TAFA1: variants seen among roughly 807,000 people sequenced by gnomAD.
The protein encoded by TAFA1 is TAFA chemokine like family member 1, also known as chemokine-like protein TAFA-1.
Under a neutral mutation model 18.5 loss-of-function variants are expected in TAFA1, and 4 were observed. The observed-to-expected ratio is 0.22, with a 90% CI of 0.11 to 0.49. TAFA1 has a LOEUF of 0.49. TAFA1 is among the 20% of genes least tolerant of loss of function. The probability of loss-of-function intolerance (pLI) is 0.98; values close to 1 mark genes in which losing one functional copy is unlikely to be tolerated. For missense variants in TAFA1, 147 were observed against 169.0 expected (o/e 0.87, Z 0.72); for synonymous variants, 56 against 55.2 (o/e 1.01, Z -0.06).
intron 2 of TAFA1, among the ~76,000 whole-genome samples, chr3:68,276,751 T>C (rs2107246338): frequency 6.6e-6 from 1 of 152,250 alleles, no homozygotes; most frequent in South Asian, 2.1e-4. Context: ...CAGACTAATA[T>C]CTGTCTTGAG....
chr3:68,115,973 T>C (rs2065319744), intron 2 of TAFA1, among the ~76,000 whole-genome samples: 3 of 152,154 alleles, frequency 2.0e-5, no homozygotes, highest in Non-Finnish European at 4.4e-5. Context: ...TATGTTAATC[T>C]GGGCTGGACA....
chr3:68,283,430 T>C (rs528931931), intron 2 of TAFA1, among the ~76,000 whole-genome samples: 1 of 152,354 alleles, frequency 6.6e-6, no homozygotes, highest in African/African-American at 2.4e-5. Flanking sequence ...ATTTTTAAAG[T>C]AATTTATGCA....
chr3:68,418,060 A>G (rs951060320), intron 3 of TAFA1, among the ~76,000 whole-genome samples: 1 of 152,132 alleles, frequency 6.6e-6, no homozygotes, highest in Non-Finnish European at 1.5e-5. Context: ...AGGTCAAGAA[A>G]CATGAAGGTC....
At chr3:68,070,025 C>T (rs1426346740) in intron 2 of TAFA1, among the ~76,000 whole-genome samples, 4 of 152,166 alleles carry the variant, frequency 2.6e-5, no homozygotes, top group African/African-American at 9.7e-5. Context: ...GTCAGTGGCT[C>T]TACCATTCTG....
At chr3:68,257,282 T>A (rs1380201255) in intron 2 of TAFA1, among the ~76,000 whole-genome samples, 1 of 152,088 alleles carries the variant, frequency 6.6e-6, no homozygotes, top group Non-Finnish European at 1.5e-5. Context: ...TAAATTGGCC[T>A]CTCCCCATCC....
At chr3:68,124,507 A>G (rs1259325148) in intron 2 of TAFA1, among the ~76,000 whole-genome samples, 1 of 152,198 alleles carries the variant, frequency 6.6e-6, no homozygotes, top group African/African-American at 2.4e-5. Flanking sequence ...TTCATTCTCA[A>G]ATGGAATCAT....
At chr3:68,022,844 A>T (rs1310746208) in intron 2 of TAFA1, among the ~76,000 whole-genome samples, 24 of 2,568 alleles carry the variant, frequency 9.3e-3, no homozygotes, top group Non-Finnish European at 0.039. Flanking sequence ...TATATATATT[A>T]TATATATATA....
At chr3:68,296,158 A>C (rs1403074297) in intron 2 of TAFA1, among the ~76,000 whole-genome samples, 1 of 152,330 alleles carries the variant, frequency 6.6e-6, no homozygotes, top group Admixed American at 6.5e-5. Flanking sequence ...TATGTGAGCT[A>C]CAACTTTACC....
At chr3:68,241,740 G>T (rs924528991) in intron 2 of TAFA1, among the ~76,000 whole-genome samples, 1 of 152,152 alleles carries the variant, frequency 6.6e-6, no homozygotes, top group Non-Finnish European at 1.5e-5. Context: ...GCAGAGGAAA[G>T]GATGTGTGGC....
chr3:68,172,031 A>T (rs2066060728), intron 2 of TAFA1, among the ~76,000 whole-genome samples: 1 of 152,192 alleles, frequency 6.6e-6, no homozygotes, highest in Admixed American at 6.5e-5. Flanking sequence ...AGAAAGGGGA[A>T]GAAAGAAATT....
intron 2 of TAFA1, among the ~76,000 whole-genome samples, chr3:68,264,349 C>G (rs146441236): frequency 2.1e-4 from 32 of 152,256 alleles, no homozygotes; most frequent in African/African-American, 7.2e-4. Flanking sequence ...ATTGGGCACA[C>G]AGATTATTGA....
chr3:68,316,223 G>T (rs1407441372), intron 2 of TAFA1, among the ~76,000 whole-genome samples: 2 of 152,196 alleles, frequency 1.3e-5, no homozygotes, highest in African/African-American at 2.4e-5. Flanking sequence ...TGCCTGAGTT[G>T]TGAAGTTGAC....
chr3:68,428,317 C>T (rs2071097687), intron 3 of TAFA1, among the ~76,000 whole-genome samples: 1 of 151,884 alleles, frequency 6.6e-6, no homozygotes, highest in Admixed American at 6.6e-5. Flanking sequence ...GAACACTGTA[C>T]TTGACAGCTC....
intron 2 of TAFA1, among the ~76,000 whole-genome samples, chr3:68,024,270 C>G (rs1704764201): frequency 6.6e-6 from 1 of 151,976 alleles, no homozygotes; most frequent in Non-Finnish European, 1.5e-5. Flanking sequence ...GGAAACAAAA[C>G]CTTGTAAGGG....
chr3:68,073,379 T>A (rs999870028), intron 2 of TAFA1, among the ~76,000 whole-genome samples: 2 of 152,244 alleles, frequency 1.3e-5, no homozygotes, highest in African/African-American at 4.8e-5. Context: ...TCCACAGGAC[T>A]AGAGCAATGG....
intron 3 of TAFA1, among the ~76,000 whole-genome samples, chr3:68,475,123 T>G (rs1398607887): frequency 6.6e-6 from 1 of 152,020 alleles, no homozygotes; most frequent in African/African-American, 2.4e-5. Context: ...GAGTCACTCT[T>G]TAAATGCTGG....
At chr3:68,521,514 A>G (rs546015672) in intron 3 of TAFA1, among the ~76,000 whole-genome samples, 13 of 152,304 alleles carry the variant, frequency 8.5e-5, no homozygotes, top group Admixed American at 3.3e-4. Flanking sequence ...ATAGATGAGG[A>G]AACATTTAAA....
chr3:68,105,122 C>G (rs1161558606), intron 2 of TAFA1, among the ~76,000 whole-genome samples: 1 of 152,056 alleles, frequency 6.6e-6, no homozygotes, highest in Non-Finnish European at 1.5e-5. Flanking sequence ...TGTGAATCTT[C>G]ATAGGATGAG....
At chr3:68,057,795 A>C (rs962152933) in intron 2 of TAFA1, among the ~76,000 whole-genome samples, 5 of 152,188 alleles carry the variant, frequency 3.3e-5, no homozygotes, top group African/African-American at 1.2e-4. Context: ...CGACAGAAGC[A>C]GTGGGTGGAG....
Sources: allele counts gnomAD v4.1 joint callset (sites outside exome capture counted in the v4.1 genomes callset), GRCh38; gene constraint gnomAD v4.1.1; transcripts MANE v1.5; gene names NCBI Gene and HGNC (gene_info 2026-07-23, HGNC 2026-07-21).